CHODL: variants seen among roughly 807,000 people sequenced by gnomAD.
The protein encoded by CHODL is chondrolectin.
Under a neutral mutation model 34.5 loss-of-function variants are expected in CHODL, and 29 were observed. The observed-to-expected ratio is 0.84, with a 90% CI of 0.63 to 1.15. The LOEUF is 1.15. Ranked by LOEUF, CHODL falls within the 50% of genes most tolerant of loss-of-function variation. The pLI, the probability that CHODL is intolerant of heterozygous loss-of-function variation, is 0.00. For synonymous variants in CHODL, 125 were observed against 116.1 expected, an observed-to-expected ratio of 1.08 and a Z score of -0.49; for missense variants, 332 against 332.5, an observed-to-expected ratio of 1.00 and a Z score of 0.01.
chr21:17,952,937 G>A (rs2063470374), intron 1 of CHODL, among the ~76,000 whole-genome samples: 1 of 152,074 alleles, frequency 6.6e-6, no homozygotes, highest in South Asian at 2.1e-4. Flanking sequence ...AGGAGTAACT[G>A]CCACTTTTAA....
At chr21:18,029,576 TTATC>T (rs1421930320) in intron 2 of CHODL, among the ~76,000 whole-genome samples, 1 of 152,162 alleles carries the variant, frequency 6.6e-6, no homozygotes, top group Non-Finnish European at 1.5e-5. Flanking sequence ...CAGGGATATT[TTATC>T]TATCTATAAA....
At chr21:17,939,897 A>G (rs2063349402) in intron 1 of CHODL, among the ~76,000 whole-genome samples, 1 of 152,218 alleles carries the variant, frequency 6.6e-6, no homozygotes, top group Non-Finnish European at 1.5e-5. Context: ...TTATAATTTC[A>G]TGAATCCAAG....
At chr21:18,132,250 G>A (rs555738253) in intron 2 of CHODL, among the ~76,000 whole-genome samples, 4 of 152,086 alleles carry the variant, frequency 2.6e-5, no homozygotes, top group South Asian at 4.1e-4. Flanking sequence ...ATGGCATGGG[G>A]AAAATTGTGA....
At chr21:18,172,126 A>G (rs1351735330) in intron 2 of CHODL, among the ~76,000 whole-genome samples, 3 of 152,144 alleles carry the variant, frequency 2.0e-5, no homozygotes, top group Admixed American at 2.0e-4. Flanking sequence ...AAATTCCCCT[A>G]TGAGCATCTC....
At chr21:18,221,305 TG>T (rs1192741739) in intron 2 of CHODL, among the ~76,000 whole-genome samples, 1 of 152,178 alleles carries the variant, frequency 6.6e-6, no homozygotes, top group Non-Finnish European at 1.5e-5. Context: ...TTTTAAATAT[TG>T]TTTATCTGCA....
At chr21:18,105,444 A>C (rs928194773) in intron 2 of CHODL, among the ~76,000 whole-genome samples, 1 of 152,134 alleles carries the variant, frequency 6.6e-6, no homozygotes, top group East Asian at 1.9e-4. Flanking sequence ...ATTTCATTTC[A>C]TATCTTTGTC....
intron 2 of CHODL, among the ~76,000 whole-genome samples, chr21:18,130,461 TTAAA>T (rs768911310): frequency 7.2e-4 from 110 of 152,314 alleles, no homozygotes; most frequent in East Asian, 4.4e-3. Flanking sequence ...TTTTAATACT[TTAAA>T]TAGAGTATAG....
chr21:18,095,260 C>G (rs887796718), intron 2 of CHODL, among the ~76,000 whole-genome samples: 1 of 151,868 alleles, frequency 6.6e-6, no homozygotes, highest in African/African-American at 2.4e-5. Context: ...AACCTTTAGA[C>G]AGACAAACTG....
At chr21:18,003,072 C>T (rs2063924260) in intron 1 of CHODL, among the ~76,000 whole-genome samples, 1 of 149,422 alleles carries the variant, frequency 6.7e-6, no homozygotes. Context: ...TGCAGTGAGC[C>T]GAGATCGCGC....
chr21:18,124,752 G>T (rs941295075), intron 2 of CHODL, among the ~76,000 whole-genome samples: 11 of 152,154 alleles, frequency 7.2e-5, no homozygotes, highest in African/African-American at 2.7e-4. Context: ...GTAGAAAAAA[G>T]AAAGTGAATA....
At chr21:18,135,324 T>G (rs1014873262) in intron 2 of CHODL, among the ~76,000 whole-genome samples, 7 of 152,164 alleles carry the variant, frequency 4.6e-5, no homozygotes, top group Non-Finnish European at 1.5e-5. Context: ...ACTCTTCAGG[T>G]TCCCTACTAT....
rs373320822 is a variant in CHODL at position 18,029,654 on chromosome 21, TG to T, written c.-45+1689del. On this transcript the variant is annotated intron_variant, in intron 2 of 6. Coordinates refer to the CHODL transcript ENST00000400127. ...TCTAGAATCTGGAACCTTCCTGTTT[TG>T]GGGGGAATCTCAGGGAGGCTCCACT... Among the ~76,000 whole-genome samples, 428 of 152,196 alleles carry T rather than the reference TG, an allele frequency of 2.8e-3. 6 individuals carry two copies. Among genetic ancestry groups the T allele is most frequent in the African/African-American group, 9.9e-3 (413 of 41,548 alleles).
chr21:18,097,068 A>G (rs1181126769), intron 2 of CHODL, among the ~76,000 whole-genome samples: 1 of 152,170 alleles, frequency 6.6e-6, no homozygotes, highest in African/African-American at 2.4e-5. Flanking sequence ...GAAGGAATAT[A>G]TCTCAACATA....
chr21:18,258,665 A>G (rs538310031), intron 3 of CHODL, among the ~76,000 whole-genome samples: 33 of 152,130 alleles, frequency 2.2e-4, no homozygotes, highest in African/African-American at 7.9e-4. Context: ...ATCTATATTT[A>G]TTAAAATATT....
At chr21:17,992,749 C>T (rs560324586) in intron 1 of CHODL, among the ~76,000 whole-genome samples, 5 of 95,332 alleles carry the variant, frequency 5.2e-5, no homozygotes, top group African/African-American at 2.1e-4. Flanking sequence ...TTTTTCCAGA[C>T]AGAGTTTCAC....
At chr21:17,953,950 C>CAA (rs1055344259) in intron 1 of CHODL, among the ~76,000 whole-genome samples, 3 of 151,974 alleles carry the variant, frequency 2.0e-5, no homozygotes, top group South Asian at 2.1e-4. Context: ...GTGGAGGTTG[C>CAA]ATGAGCTGAG....
intron 2 of CHODL, among the ~76,000 whole-genome samples, chr21:18,105,900 C>T (rs1469952143): frequency 6.6e-6 from 1 of 152,132 alleles, no homozygotes; most frequent in Admixed American, 6.5e-5. Flanking sequence ...TGTGTCTGTT[C>T]TCTTTAAGCC....
intron 2 of CHODL, among the ~76,000 whole-genome samples, chr21:18,062,204 A>C (rs2824626): frequency 0.46 from 69,313 of 151,946 alleles, 16,581 homozygotes; most frequent in Middle Eastern, 0.53. Flanking sequence ...GACAGGCAAC[A>C]GCCCAGACCT....
chr21:18,246,143 A>G (rs1417838673), intron 1 of CHODL, among the ~76,000 whole-genome samples: 1 of 152,220 alleles, frequency 6.6e-6, no homozygotes, highest in Non-Finnish European at 1.5e-5. Context: ...AAAAGGATAC[A>G]GATTCTCGAC....
Sources: allele counts gnomAD v4.1 joint callset (sites outside exome capture counted in the v4.1 genomes callset), GRCh38; gene constraint gnomAD v4.1.1; transcripts MANE v1.5; gene names NCBI Gene and HGNC (gene_info 2026-07-23, HGNC 2026-07-21).